Variants in WWP2 observed in about 807,000 individuals in gnomAD.
WWP2 encodes WW domain containing E3 ubiquitin protein ligase 2.
Under a neutral mutation model 121.0 loss-of-function variants are expected in WWP2, and 57 were observed. That is an observed-to-expected ratio of 0.47 (90% CI 0.38 to 0.59). The LOEUF (loss-of-function observed/expected upper bound fraction) is 0.59, where lower values mean the gene tolerates loss of function less well. Among genes scored for constraint, WWP2 ranks in the 20% least tolerant of loss-of-function variants. The pLI is 0.00. For synonymous variants in WWP2, 449 were observed against 441.3 expected, an observed-to-expected ratio of 1.02 and a Z score of -0.22; for missense variants, 962 against 1,158.9, an observed-to-expected ratio of 0.83 and a Z score of 2.47.
chr16:69,938,951 C>G (rs910401578), intron 21 of WWP2, 76 bp from the exon 22 acceptor site: 2 of 1,403,932 alleles, frequency 1.4e-6, no homozygotes, highest in Non-Finnish European at 2.0e-6. Context: ...CCCCGCTGAG[C>G]TAGAGAGCTC....
intron 8 of WWP2, among the ~76,000 whole-genome samples, chr16:69,898,491 C>T (rs1001401394): frequency 1.5e-4 from 23 of 152,304 alleles, no homozygotes; most frequent in African/African-American, 3.6e-4. Flanking sequence ...TTGTCAGGTT[C>T]GTTTCATGTG....
intron 7 of WWP2, among the ~76,000 whole-genome samples, chr16:69,876,792 CT>C (rs1184458030): frequency 6.6e-6 from 1 of 152,216 alleles, no homozygotes; most frequent in Non-Finnish European, 1.5e-5. Context: ...TCCATCAGAG[CT>C]CTTGGGTAAC....
rs1046896792 is a variant in WWP2 at position 69,844,422 on chromosome 16, C to T, written c.575+2302C>T. ...TTCTCAGCTTTGGTGCTAGTAACTA[C>T]ATCTTAGTCTTTTAGCTGAGTTGGA... On this transcript the variant is annotated intron_variant, in intron 6 of 23. Coordinates refer to ENST00000359154, the MANE Select transcript of WWP2 (RefSeq NM_001270454.2). Among the ~76,000 whole-genome samples, 4 of 152,234 alleles carry T rather than the reference C, an allele frequency of 2.6e-5. No individual in the cohort carries two copies. The South Asian group carries it at 8.3e-4, about 32-fold the overall frequency.
intron 1 of WWP2, among the ~76,000 whole-genome samples, chr16:69,780,833 A>G (rs952353849): frequency 1.3e-5 from 2 of 152,130 alleles, no homozygotes; most frequent in Non-Finnish European, 2.9e-5. Context: ...GTGAGATCCT[A>G]TCTCTACAAA....
At position 69,925,158 on chromosome 16, in the gene WWP2, C is replaced by T. The variant is rs1051106380; in HGVS notation, c.1180-272C>T. 32 of 1,225,868 alleles carry T rather than the reference C, an allele frequency of 2.6e-5. No individual in the cohort carries two copies. The highest frequency in any genetic ancestry group is 4.6e-5 in the African/African-American group (3 of 64,600). 75.9% of individuals were successfully genotyped at this position (1,225,868 alleles called of 1,614,324 possible). ...TCCGCCACCCTGGCACACCTTCACC[C>T]GCGTACCGCCTCCTCCCCGTCGCTC... On this transcript the variant is annotated intron_variant, in intron 10 of 23. Coordinates refer to ENST00000359154, the MANE Select transcript of WWP2 (RefSeq NM_001270454.2). The surrounding 1 kb of genome is among the most constrained non-coding windows in gnomAD (Gnocchi z 4.0).
At chr16:69,826,645 C>T (rs1597010092) in intron 4 of WWP2, among the ~76,000 whole-genome samples, 2 of 148,436 alleles carry the variant, frequency 1.3e-5, no homozygotes, top group South Asian at 2.1e-4. Flanking sequence ...TTTGGGAGGC[C>T]GAGGCGGGTG....
chr16:69,804,377 TA>T (rs1306497695), intron 4 of WWP2, among the ~76,000 whole-genome samples: 29 of 152,220 alleles, frequency 1.9e-4, no homozygotes, highest in Admixed American at 1.9e-3. Flanking sequence ...TTGTGCCCAG[TA>T]CAAATAGGGA....
At chr16:69,844,350 A>G (rs1056494351) in intron 6 of WWP2, among the ~76,000 whole-genome samples, 3 of 152,226 alleles carry the variant, frequency 2.0e-5, no homozygotes, top group African/African-American at 7.2e-5. Context: ...TCACTCTTTT[A>G]GAGAGGAAGG....
intron 9 of WWP2, chr16:69,909,711 AAAAC>A (rs1249042522): frequency 1.5e-5 from 15 of 983,932 alleles, no homozygotes; most frequent in African/African-American, 3.5e-5. Context: ...AAATTAGAAA[AAAAC>A]AAACAACAAA....
intron 5 of WWP2, 135 bp from the exon 6 acceptor site, chr16:69,841,889 T>G: frequency 1.3e-6 from 1 of 763,678 alleles, no homozygotes; most frequent in Non-Finnish European, 2.2e-6. Context: ...TGGCTGCAGC[T>G]TGCCGGATGT....
At position 69,934,027 on chromosome 16, in the gene WWP2, AT is replaced by A. The variant is rs777955761; in HGVS notation, c.1741del (p.Tyr581MetfsTer28). On this transcript the variant is annotated frameshift_variant, in exon 17 of 24. Transcript: ENST00000359154. LOFTEE classifies it high-confidence loss of function. ...TCAACCCTATGTATTGTTTATTTGA[AT>A]ATGCCGGAAAGAACAATTACTGCCT... ...VLNPMYCLFE[Y>X]AGKNNYCLQI... 6.2e-7 allele frequency: 1 copy of A among 1,614,096 alleles called. No homozygotes were observed. Among genetic ancestry groups the A allele is most frequent in the Admixed American group, 1.7e-5 (1 of 60,020 alleles).
chr16:69,818,595 C>G (rs2056538674), intron 4 of WWP2, among the ~76,000 whole-genome samples: 1 of 152,178 alleles, frequency 6.6e-6, no homozygotes, highest in Admixed American at 6.6e-5. Flanking sequence ...CTCCGTGTTG[C>G]TAAACCCAAT....
Position 69,917,789 on chromosome 16 carries a change from C to T in WWP2, c.1085C>T (p.Thr362Ile). 1.2e-6 allele frequency: 2 copies of T among 1,614,054 alleles called. No individual in the cohort carries two copies. Residue 362 changes from threonine to isoleucine, a missense_variant, in exon 10 of 24, where the codon ACC (threonine) becomes ATC (isoleucine). By Grantham distance (89) the Thr-to-Ile change is moderately conservative. Transcript: ENST00000359154. ...NTRTTTWQRP[T>I]AEYVRNYEQW... is the part of the protein sequence containing the mutation. Reference sequence around the variant, plus strand: ...CGGACCACCACCTGGCAGCGTCCGACCGCGGAGTACGTGCGCAACTATGAG... The same window carrying T: ...CGGACCACCACCTGGCAGCGTCCGATCGCGGAGTACGTGCGCAACTATGAG...
intron 6 of WWP2, among the ~76,000 whole-genome samples, chr16:69,852,340 G>A (rs2057232080): frequency 6.7e-6 from 1 of 149,632 alleles, no homozygotes; most frequent in Admixed American, 6.6e-5. Context: ...GCAATGGTGT[G>A]ATCTCGGCTT....
At chr16:69,879,394 C>T (rs183656552) in intron 7 of WWP2, among the ~76,000 whole-genome samples, 2 of 152,176 alleles carry the variant, frequency 1.3e-5, no homozygotes, top group East Asian at 3.9e-4. Flanking sequence ...ACCTGACCGG[C>T]CCCCGCCCAC....
At chr16:69,838,707 A>T (rs1384386497) in intron 4 of WWP2, 2 of 985,114 alleles carry the variant, frequency 2.0e-6, no homozygotes, top group Admixed American at 1.2e-4. Context: ...CTTTTGAAGG[A>T]ACTCGTTTCC....
At chr16:69,777,240 G>A (rs955266239) in intron 1 of WWP2, among the ~76,000 whole-genome samples, 1 of 151,272 alleles carries the variant, frequency 6.6e-6, no homozygotes, top group Non-Finnish European at 1.5e-5. Context: ...ATATATACAT[G>A]TATATTTATT....
chr16:69,918,429 T>G (rs190547809), intron 10 of WWP2, among the ~76,000 whole-genome samples: 54 of 152,356 alleles, frequency 3.5e-4, no homozygotes, highest in Non-Finnish European at 7.2e-4. Flanking sequence ...CCACTTCATT[T>G]TGTTAATAAA....
chr16:69,763,155 C>G (rs2038654250), intron 1 of WWP2, among the ~76,000 whole-genome samples: 1 of 152,258 alleles, frequency 6.6e-6, no homozygotes, highest in African/African-American at 2.4e-5. Context: ...AGCGTTACCT[C>G]AGCAACATAG....
Sources: gnomAD v4.1 joint callset for allele counts (sites outside exome capture counted in the v4.1 genomes callset) on GRCh38, gnomAD v4.1.1 for gene constraint, Gnocchi (gnomAD v3.1) non-coding constraint, MANE v1.5 for transcripts, NCBI Gene and HGNC (gene_info 2026-07-23, HGNC 2026-07-21) for gene names.